The following AFP variants were observed in gnomAD, a reference collection of about 807,000 sequenced individuals.
AFP encodes alpha fetoprotein.
Under a neutral mutation model 78.9 loss-of-function variants are expected in AFP, and 64 were observed. The ratio of observed to expected loss-of-function variants is 0.81; its 90% CI spans 0.66 to 1.00. AFP has a LOEUF of 1.00. Ranked by LOEUF, AFP falls within the 50% of genes least tolerant of loss-of-function variation. The pLI, the probability that AFP is intolerant of heterozygous loss-of-function variation, is 0.00. For synonymous variants in AFP, 254 were observed against 243.8 expected (o/e 1.04, Z -0.39); for missense variants, 689 against 703.8 (o/e 0.98, Z 0.24).
intron 3 of AFP, among the ~76,000 whole-genome samples, chr4:73,439,184 A>T (rs1719594249): frequency 6.6e-6 from 1 of 152,164 alleles, no homozygotes; most frequent in African/African-American, 2.4e-5. Flanking sequence ...AATAATATTT[A>T]TTATTTATTT....
intron 3 of AFP, among the ~76,000 whole-genome samples, chr4:73,438,778 G>T (rs1719583592): frequency 6.6e-6 from 1 of 152,118 alleles, no homozygotes; most frequent in African/African-American, 2.4e-5. Context: ...AATCAGAATG[G>T]TTGTCCAGTG....
intron 9 of AFP, 28 bp from the exon 10 acceptor site, chr4:73,450,008 T>C (rs1560396830): frequency 6.6e-7 from 1 of 1,522,308 alleles, no homozygotes; most frequent in Non-Finnish European, 9.1e-7. Context: ...AAAAGAAAAA[T>C]GTATATGTAA....
chr4:73,452,763 A>T, intron 12 of AFP, 139 bp downstream of exon 12: 3 of 770,172 alleles, frequency 3.9e-6, no homozygotes, highest in Non-Finnish European at 6.6e-6. Context: ...CTTTGAAAAT[A>T]GTTTTGTCTC....
At chr4:73,439,409 A>G (rs1719600644) in intron 3 of AFP, among the ~76,000 whole-genome samples, 2 of 152,132 alleles carry the variant, frequency 1.3e-5, no homozygotes, top group South Asian at 2.1e-4. Context: ...TTGCATCTCT[A>G]TTTTTGTCTT....
rs761427886 is a variant in AFP at position 73,455,261 on chromosome 4, G to T, written c.1811G>T (p.Arg604Leu). The part of the protein sequence containing the change: ...EEGQKLISKT[R>L]AALGV Reference sequence around the variant, plus strand: ...GGACAAAAACTGATTTCAAAAACTCGTGCTGCTTTGGGAGTTTAAATTACT... The same window carrying T: ...GGACAAAAACTGATTTCAAAAACTCTTGCTGCTTTGGGAGTTTAAATTACT... The change falls in exon 14 of 15, where the codon CGT becomes CTT. Residue 604 changes from arginine to leucine, a missense_variant. Arg to Leu is a moderately radical substitution (Grantham distance 102, BLOSUM62 -2). Transcript: ENST00000395792. 6.2e-6 allele frequency: 10 copies of T among 1,612,484 alleles called. No homozygotes were observed. In the East Asian group the frequency reaches 6.7e-5, roughly 11 times the overall value.
intron 3 of AFP, among the ~76,000 whole-genome samples, chr4:73,439,589 C>G (rs974790307): frequency 1.3e-5 from 2 of 152,082 alleles, no homozygotes; most frequent in Admixed American, 1.3e-4. Context: ...CTTACGTAAG[C>G]CTTCCAGGAT....
chr4:73,447,715 A>G (rs763316521), intron 8 of AFP, 39 bp downstream of exon 8: 2 of 1,509,324 alleles, frequency 1.3e-6, no homozygotes, highest in Non-Finnish European at 1.8e-6. Context: ...GCAAGTAAAA[A>G]TGATTATGTG....
At chr4:73,444,693 C>CA (rs780322718) in intron 6 of AFP, among the ~76,000 whole-genome samples, 20 of 152,102 alleles carry the variant, frequency 1.3e-4, no homozygotes, top group Admixed American at 2.6e-4. Context: ...CCACTCAATA[C>CA]AAATGCTCAG....
At chr4:73,443,259 C>T (rs1719721804) in intron 5 of AFP, 88 bp from the exon 6 acceptor site, 1 of 975,232 alleles carries the variant, frequency 1.0e-6, no homozygotes, top group Admixed American at 1.8e-5. Context: ...TTTCATTTTA[C>T]CTATACTTGT....
At chr4:73,448,423 C>A (rs1028502196) in intron 8 of AFP, among the ~76,000 whole-genome samples, 7 of 152,058 alleles carry the variant, frequency 4.6e-5, no homozygotes, top group African/African-American at 1.7e-4. Flanking sequence ...CTGATTCTAA[C>A]GTAGTAATAA....
chr4:73,447,260 T>C (rs1040027044), intron 7 of AFP, among the ~76,000 whole-genome samples: 1 of 152,026 alleles, frequency 6.6e-6, no homozygotes, highest in African/African-American at 2.4e-5. Context: ...TAAATAAAAT[T>C]ATGTAATTTC....
intron 7 of AFP, among the ~76,000 whole-genome samples, chr4:73,447,147 A>T (rs534146827): frequency 3.9e-5 from 6 of 152,224 alleles, no homozygotes; most frequent in Admixed American, 3.9e-4. Flanking sequence ...TCTGATTCTA[A>T]CGTAGTAATA....
chr4:73,438,602 G>A (rs1215079438), intron 3 of AFP, among the ~76,000 whole-genome samples: 1 of 152,056 alleles, frequency 6.6e-6, no homozygotes, highest in South Asian at 2.1e-4. Flanking sequence ...TGTAAAATAA[G>A]GGATGATAAT....
chr4:73,443,933 G>C (rs1465298433), intron 6 of AFP, among the ~76,000 whole-genome samples: 1 of 152,030 alleles, frequency 6.6e-6, no homozygotes, highest in Non-Finnish European at 1.5e-5. Flanking sequence ...TTAGAATCTA[G>C]TGTCAGGAGA....
chr4:73,447,854 G>A (rs1209986601), intron 8 of AFP, among the ~76,000 whole-genome samples, 178 bp downstream of exon 8: 3 of 152,074 alleles, frequency 2.0e-5, no homozygotes, highest in Admixed American at 6.6e-5. Context: ...ATAAGTAATG[G>A]GATTTGGTGT....
rs1719638007 is a variant in AFP, at chr4:73,440,788, G to T, written c.457G>T (p.Glu153Ter). The T allele has an allele frequency of 1.2e-6, 2 of 1,613,948 alleles. No homozygotes were observed. Among genetic ancestry groups the T allele is most frequent in the African/African-American group, 1.3e-5 (1 of 74,916 alleles). The part of the protein sequence containing the change: ...EPVTSCEAYE[E>*]DRETFMNKFI... ...TGTCACAAGCTGTGAAGCATATGAAGAAGACAGGGAGACATTCATGAACAA... is the reference window on the plus strand; with the variant it reads ...TGTCACAAGCTGTGAAGCATATGAATAAGACAGGGAGACATTCATGAACAA... The change falls in exon 4 of 15, where the codon GAA (glutamate) becomes TAA (stop). Residue 153 changes from glutamate (E) to a stop codon, truncating the protein, a stop_gained. Coordinates refer to ENST00000395792, the MANE Select transcript of AFP (RefSeq NM_001134.3). LOFTEE classifies it high-confidence loss of function.
intron 8 of AFP, 87 bp from the exon 9 acceptor site, chr4:73,449,247 CA>C: frequency 8.4e-7 from 1 of 1,186,406 alleles, no homozygotes; most frequent in Non-Finnish European, 1.2e-6. Context: ...TTCCACATGC[CA>C]TATTATATAG....
At chr4:73,453,586 G>A (rs1302693211) in intron 12 of AFP, 179 bp from the exon 13 acceptor site, 2 of 672,726 alleles carry the variant, frequency 3.0e-6, no homozygotes, top group Non-Finnish European at 2.5e-6. Flanking sequence ...TGGAACACTT[G>A]GCATGCTTTC....
Position 73,445,081 on chromosome 4 carries a change from C to T in AFP, c.802C>T (p.His268Tyr). Residue 268 changes from histidine to tyrosine, a missense_variant, in exon 7 of 15, where the codon CAC becomes TAC. Transcript: ENST00000395792. ...CCTGGATGTGGCCCATGTACATGAGCACTGTTGCAGAGGAGATGTGCTGGA... is the reference window on the plus strand; with the variant it reads ...CCTGGATGTGGCCCATGTACATGAGTACTGTTGCAGAGGAGATGTGCTGGA... ...LVLDVAHVHE[H>Y]CCRGDVLDCL... 1.2e-6 allele frequency: 2 copies of T among 1,613,924 alleles called. No individual in the cohort carries two copies. Among genetic ancestry groups the T allele is most frequent in the Non-Finnish European group, 8.5e-7 (1 of 1,179,882 alleles).
Sources: gnomAD v4.1 joint callset for allele counts (sites outside exome capture counted in the v4.1 genomes callset) on GRCh38, gnomAD v4.1.1 for gene constraint, MANE v1.5 for transcripts, NCBI Gene and HGNC (gene_info 2026-07-23, HGNC 2026-07-21) for gene names.